Variants in UBE2E1 observed in about 807,000 individuals in gnomAD.
UBE2E1 encodes the protein ubiquitin conjugating enzyme E2 E1.
UBE2E1 carries 6 observed loss-of-function variants against 21.4 expected under a neutral mutation model. That is an observed-to-expected ratio of 0.28 (90% CI 0.15 to 0.55). The LOEUF is 0.55. UBE2E1 is among the 20% of genes least tolerant of loss of function. The pLI is 0.93. For missense variants in UBE2E1, 142 were observed against 236.5 expected, an observed-to-expected ratio of 0.60 and a Z score of 2.62; for synonymous variants, 87 against 82.7, an observed-to-expected ratio of 1.05 and a Z score of -0.28.
In UBE2E1 at chr3:23,842,084, G is replaced by A. The variant is rs1302663082; in HGVS notation, c.203+30574G>A. ...ACCTTAAAACCTTTATTGTAACTAG[G>A]TGAAAGTAAATGTGGTGTAACTTTT... On this transcript the variant is annotated intron_variant, in intron 3 of 5. Coordinates refer to ENST00000306627, the MANE Select transcript of UBE2E1 (RefSeq NM_003341.5). The surrounding 1 kb of genome is among the most constrained non-coding windows in gnomAD (Gnocchi z 4.6). 1.3e-5 allele frequency among the ~76,000 whole-genome samples: 2 copies of A among 152,114 alleles called. No individual in the cohort carries two copies. The highest frequency in any genetic ancestry group is 1.5e-5 in the Non-Finnish European group (1 of 68,028).
intron 3 of UBE2E1, among the ~76,000 whole-genome samples, chr3:23,824,973 G>A (rs545451018): frequency 1.8e-4 from 28 of 152,256 alleles, no homozygotes; most frequent in Admixed American, 5.9e-4. Context: ...TTATTATGGG[G>A]CTAAACTTTG....
intron 2 of UBE2E1, 74 bp downstream of exon 2, chr3:23,807,495 A>C: frequency 6.4e-7 from 1 of 1,562,766 alleles, no homozygotes. Context: ...TCTGCCTCCC[A>C]ATGAGGATAG....
chr3:23,842,250 G>GTGTGTGTGTGTGTGTGTGTGGTGT lies in UBE2E1; in HGVS notation c.203+30743_203+30744insGTGTGTGTGTGTGTGTGGTGTTGT, dbSNP rs1553637746. Among the ~76,000 whole-genome samples, 50 of 86,360 alleles carry GTGTGTGTGTGTGTGTGTGTGGTGT rather than the reference G, an allele frequency of 5.8e-4. No homozygotes were observed. The highest frequency in any genetic ancestry group is 9.1e-4 in the East Asian group (3 of 3,284). 56.7% of individuals were successfully genotyped at this position (86,360 alleles called of 152,430 possible). On this transcript the variant is annotated intron_variant, in intron 3 of 5. Coordinates refer to ENST00000306627, the MANE Select transcript of UBE2E1 (RefSeq NM_003341.5). The surrounding 1 kb of genome is among the most constrained non-coding windows in gnomAD (Gnocchi z 4.6). ...GTGTGTGTGTGTGTGTGTGTGTGTG[G>GTGTGTGTGTGTGTGTGTGTGGTGT]TGTTGTTGTTGTTGGCGACAGGGTC...
Position 23,847,244 on chromosome 3 carries a change from A to G in UBE2E1, c.203+35734A>G, listed in dbSNP as rs72627021. On this transcript the variant is annotated intron_variant, in intron 3 of 5. Coordinates refer to ENST00000306627, the MANE Select transcript of UBE2E1 (RefSeq NM_003341.5). ...ATCTTATACACCAGTCACATATAGTACTTTTAATATAAAGGGTAGATAAGT... is the reference window on the plus strand; with the variant it reads ...ATCTTATACACCAGTCACATATAGTGCTTTTAATATAAAGGGTAGATAAGT... 2.8e-3 allele frequency among the ~76,000 whole-genome samples: 432 copies of G among 152,274 alleles called. 10 individuals carry two copies. The East Asian group carries it at 0.044, about 15-fold the overall frequency.
rs758156787 is a variant in UBE2E1, at chr3:23,807,258, G to A, written c.-12G>A. On this transcript the variant is annotated 5_prime_UTR_variant, in exon 2 of 6. Transcript: ENST00000306627. ...GCAGGGGCTGTTTGCGGGGTGGGGTGGGGGGTTCGCTATGTCGGATGACGA... is the reference window on the plus strand; with the variant it reads ...GCAGGGGCTGTTTGCGGGGTGGGGTAGGGGGTTCGCTATGTCGGATGACGA... The A allele has an allele frequency of 6.2e-7, 1 of 1,609,302 alleles. No homozygotes were observed. Among genetic ancestry groups the A allele is most frequent in the East Asian group, 2.2e-5 (1 of 44,778 alleles).
intron 3 of UBE2E1, among the ~76,000 whole-genome samples, chr3:23,822,994 G>T (rs1357854515): frequency 6.6e-6 from 1 of 152,066 alleles, no homozygotes; most frequent in Non-Finnish European, 1.5e-5. Flanking sequence ...TTACAGGCAT[G>T]TGCCACCACG....
intron 3 of UBE2E1, among the ~76,000 whole-genome samples, chr3:23,883,904 CAA>C (rs35520751): frequency 5.4e-4 from 47 of 87,196 alleles, no homozygotes; most frequent in Non-Finnish European, 8.2e-4. Flanking sequence ...TGACAGATCT[CAA>C]AAAAAAAAAA....
chr3:23,809,690 G>T (rs1699344717), intron 2 of UBE2E1, among the ~76,000 whole-genome samples: 1 of 152,196 alleles, frequency 6.6e-6, no homozygotes, highest in Non-Finnish European at 1.5e-5. Flanking sequence ...AGTGGGAGTT[G>T]GGTTGGCAAG....
chr3:23,884,967 T>C (rs1319244878), intron 3 of UBE2E1, among the ~76,000 whole-genome samples: 1 of 152,250 alleles, frequency 6.6e-6, no homozygotes, highest in African/African-American at 2.4e-5. Flanking sequence ...CCAGGTGTCA[T>C]AGCTGTATCA....
At chr3:23,880,295 A>G (rs1342118624) in intron 3 of UBE2E1, among the ~76,000 whole-genome samples, 1 of 152,178 alleles carries the variant, frequency 6.6e-6, no homozygotes, top group Non-Finnish European at 1.5e-5. Flanking sequence ...AGGCAGGAGA[A>G]TTGCTTGAAC....
At chr3:23,835,363 G>A (rs1469017138) in intron 3 of UBE2E1, among the ~76,000 whole-genome samples, 1 of 152,168 alleles carries the variant, frequency 6.6e-6, no homozygotes, top group African/African-American at 2.4e-5. Flanking sequence ...AGCTACTCAG[G>A]AGGCTGAGGT....
intron 3 of UBE2E1, among the ~76,000 whole-genome samples, chr3:23,871,767 A>G (rs1180982506): frequency 6.9e-6 from 1 of 145,798 alleles, no homozygotes; most frequent in East Asian, 2.1e-4. Flanking sequence ...CCCACATCTC[A>G]GATGATGGGC....
intron 3 of UBE2E1, among the ~76,000 whole-genome samples, chr3:23,822,639 T>A (rs1575808241): frequency 6.6e-6 from 1 of 152,358 alleles, no homozygotes; most frequent in Middle Eastern, 3.4e-3. Context: ...GGTTTGAAAT[T>A]ACTGGATAAA....
intron 3 of UBE2E1, among the ~76,000 whole-genome samples, chr3:23,868,898 T>C (rs186829243): frequency 4.6e-5 from 7 of 152,330 alleles, no homozygotes; most frequent in Non-Finnish European, 7.3e-5. Flanking sequence ...TTTCCTTGCT[T>C]AGTATGTATA....
intron 3 of UBE2E1, among the ~76,000 whole-genome samples, chr3:23,861,969 A>G (rs1224785767): frequency 6.6e-6 from 1 of 152,230 alleles, no homozygotes; most frequent in Non-Finnish European, 1.5e-5. Context: ...GGTTAACAGA[A>G]GCCGCCTATG....
In UBE2E1 at chr3:23,808,754, G is replaced by A. The variant is rs1021073779; in HGVS notation, c.152+1333G>A. ...ACTGACCCTCACTGATTAGCCCTGT[G>A]CGGTTTTCCTGGAACCTGACATCTA... On this transcript the variant is annotated intron_variant, in intron 2 of 5. Transcript: ENST00000306627. The surrounding 1 kb of genome is among the most constrained non-coding windows in gnomAD (Gnocchi z 4.9). 2 of 152,236 alleles carry A rather than the reference G, an allele frequency of 1.3e-5. No homozygotes were observed. The highest frequency in any genetic ancestry group is 3.9e-4 in the East Asian group (2 of 5,184). The allele number at this position is 152,236 out of a possible 1,614,324, so 9.4% of individuals were successfully genotyped here.
chr3:23,868,468 C>G lies in UBE2E1; in HGVS notation c.204-19099C>G, dbSNP rs137931414. Among the ~76,000 whole-genome samples the G allele has an allele frequency of 1.8e-3, 274 of 152,022 alleles. 1 individual carries two copies. Among genetic ancestry groups the G allele is most frequent in the Middle Eastern group, 3.4e-3 (1 of 294 alleles). On this transcript the variant is annotated intron_variant, in intron 3 of 5. Transcript: ENST00000306627. ...GGACTACAGGCGCCCACTAACACAC[C>G]CGGCTAATTTTTGAATTTTTATTAG...
rs34840201 is a variant in UBE2E1, at chr3:23,857,001, T to TAAA, written c.204-30550_204-30548dup. Among the ~76,000 whole-genome samples the TAAA allele has an allele frequency of 2.6e-3, 340 of 129,792 alleles. 3 individuals carry two copies. Among genetic ancestry groups the TAAA allele is most frequent in the African/African-American group, 7.8e-3 (265 of 33,854 alleles). The allele number at this position is 129,792 out of a possible 152,430, so 85.1% of individuals were successfully genotyped here. A position where few individuals can be genotyped will look rare whatever the true frequency, so the allele number is the denominator to read the frequency against. On this transcript the variant is annotated intron_variant, in intron 3 of 5. Transcript: ENST00000306627. ...TGGGTGACAGAGCTAGGCTGTCTCT[T>TAAA]AAAAAAAAAAAAAAAAAAGAGAGAG... is the stretch of plus-strand genomic sequence containing the variant.
chr3:23,854,173 G>A lies in UBE2E1; in HGVS notation c.204-33394G>A, dbSNP rs148940396. ...CTCGGGAGGCTGAGGCAGGAGAATC[G>A]CTTGAACCTGAGAGGCAGAGGTTGC... On this transcript the variant is annotated intron_variant, in intron 3 of 5. Coordinates refer to ENST00000306627, the MANE Select transcript of UBE2E1 (RefSeq NM_003341.5). 1.9e-4 allele frequency among the ~76,000 whole-genome samples: 28 copies of A among 149,700 alleles called. No homozygotes were observed. In the East Asian group the frequency reaches 2.0e-3, roughly 11 times the overall value.
Sources: allele counts gnomAD v4.1 joint callset (sites outside exome capture counted in the v4.1 genomes callset), GRCh38; gene constraint gnomAD v4.1.1; non-coding constraint Gnocchi (gnomAD v3.1); transcripts MANE v1.5; gene names NCBI Gene and HGNC (gene_info 2026-07-23, HGNC 2026-07-21).